Variants in ALDH7A1 observed in about 807,000 individuals in gnomAD.
The protein encoded by ALDH7A1 is alpha-aminoadipic semialdehyde dehydrogenase.
ALDH7A1 carries 63 observed loss-of-function variants against 79.9 expected under a neutral mutation model. The observed-to-expected ratio is 0.79, with a 90% confidence interval of 0.64 to 0.97. The LOEUF is 0.97. ALDH7A1 is among the 50% of genes least tolerant of loss of function. The pLI is 0.00. For missense variants in ALDH7A1, 627 were observed against 665.2 expected, an observed-to-expected ratio of 0.94 and a Z score of 0.63; for synonymous variants, 240 against 231.2, an observed-to-expected ratio of 1.04 and a Z score of -0.34.
intron 13 of ALDH7A1, 131 bp downstream of exon 13, chr5:126,554,144 TTTTATAATAATA>T (rs1489905192): frequency 1.1e-5 from 7 of 642,538 alleles, no homozygotes; most frequent in Non-Finnish European, 1.9e-5. Context: ...TGTTTCCTTG[TTTTATAATAATA>T]TATATAAATA....
At chr5:126,572,355 AGG>A (rs1185129135) in intron 7 of ALDH7A1, among the ~76,000 whole-genome samples, 1 of 152,174 alleles carries the variant, frequency 6.6e-6, no homozygotes, top group African/African-American at 2.4e-5. Flanking sequence ...AATTCTTCCC[AGG>A]GACTCCGGGT....
intron 7 of ALDH7A1, among the ~76,000 whole-genome samples, chr5:126,571,817 G>C (rs1163473688): frequency 6.6e-6 from 1 of 152,040 alleles, no homozygotes; most frequent in Non-Finnish European, 1.5e-5. Context: ...TTGGGGAAGG[G>C]GAAGGGATCC....
chr5:126,584,015 A>G lies in ALDH7A1; in HGVS notation c.313-3T>C. On this transcript the variant is annotated splice_polypyrimidine_tract_variant and splice_region_variant and intron_variant, in intron 3 of 17. Coordinates refer to ENST00000409134, the MANE Select transcript of ALDH7A1 (RefSeq NM_001182.5). Reference sequence around the variant, plus strand: ...TCTCCTCGTTTTGGAGCAGGAATCTAAGAAAAGAATGCAATTTTTGTGTCT... The same window carrying G: ...TCTCCTCGTTTTGGAGCAGGAATCTGAGAAAAGAATGCAATTTTTGTGTCT... The G allele has an allele frequency of 6.2e-7, 1 of 1,613,662 alleles. No homozygotes were observed. The highest frequency in any genetic ancestry group is 2.2e-5 in the East Asian group (1 of 44,876).
rs190879943 is a variant in ALDH7A1 at position 126,585,619 on chromosome 5, T to G, written c.313-1607A>C. ...CTGTCACGCCCAGGCTTGAGTGCAG[T>G]GGCGCGATCTCGGCTCAGTGCAACC... is the stretch of plus-strand genomic sequence containing the variant. On this transcript the variant is annotated intron_variant, in intron 3 of 17. Transcript: ENST00000409134. 2.3e-3 allele frequency among the ~76,000 whole-genome samples: 351 copies of G among 152,326 alleles called. 3 individuals carry two copies. Among genetic ancestry groups the G allele is most frequent in the Non-Finnish European group, 2.7e-3 (187 of 68,022 alleles).
chr5:126,581,153 T>G (rs1343073163), intron 5 of ALDH7A1: 2 of 152,014 alleles, frequency 1.3e-5, no homozygotes, highest in African/African-American at 4.8e-5. Context: ...TGCTGTCATC[T>G]TAGTATCTTC....
intron 5 of ALDH7A1, among the ~76,000 whole-genome samples, chr5:126,579,435 C>T (rs1315208286): frequency 6.6e-6 from 1 of 152,156 alleles, no homozygotes; most frequent in Admixed American, 6.6e-5. Context: ...ATATTACTTA[C>T]CATGCTGGAT....
chr5:126,551,511 C>T (rs772349541), intron 14 of ALDH7A1, among the ~76,000 whole-genome samples: 29 of 152,050 alleles, frequency 1.9e-4, no homozygotes, highest in Admixed American at 1.2e-3. Context: ...TTAGTAGAGA[C>T]GGGGTTTCAC....
chr5:126,553,863 C>T (rs764596942), intron 13 of ALDH7A1, among the ~76,000 whole-genome samples: 7 of 151,754 alleles, frequency 4.6e-5, no homozygotes, highest in Non-Finnish European at 7.4e-5. Flanking sequence ...ATCCCAACAC[C>T]TTAGGAGGCC....
At chr5:126,553,545 C>T (rs1232617904) in intron 13 of ALDH7A1, 1 of 152,370 alleles carries the variant, frequency 6.6e-6, no homozygotes, top group Non-Finnish European at 1.5e-5. Flanking sequence ...AACCCCTTCT[C>T]TACTAAAAAT....
intron 8 of ALDH7A1, 143 bp from the exon 9 acceptor site, chr5:126,568,499 G>A (rs1256206484): frequency 4.0e-6 from 3 of 750,138 alleles, no homozygotes; most frequent in Admixed American, 2.1e-5. Flanking sequence ...GCAAGGGAAG[G>A]TCTTCATGAG....
In ALDH7A1 at chr5:126,582,776, G is replaced by A. The variant is rs1008726484; in HGVS notation, c.517+75C>T. 7 of 1,559,776 alleles carry A rather than the reference G, an allele frequency of 4.5e-6. No individual in the cohort carries two copies. The South Asian group carries it at 6.7e-5, about 15-fold the overall frequency. ...AAATTTCTCTTTTGCACAGTCAATA[G>A]CCAGAGTATTTTATTTTTTTTGGAG... On this transcript the variant is annotated intron_variant, in intron 5 of 17. Transcript: ENST00000409134.
intron 16 of ALDH7A1, among the ~76,000 whole-genome samples, chr5:126,546,668 C>T (rs1749796902): frequency 7.6e-6 from 1 of 131,504 alleles, no homozygotes; most frequent in Admixed American, 7.2e-5. Context: ...AAAAAAAAAT[C>T]CCATTAGCTG....
chr5:126,568,081 T>G, intron 9 of ALDH7A1, 178 bp downstream of exon 9: 3 of 614,876 alleles, frequency 4.9e-6, no homozygotes, highest in Non-Finnish European at 8.5e-6. Context: ...TATTTAAATT[T>G]AGGACTTCCC....
rs1751303871 is a variant in ALDH7A1, at chr5:126,584,731, GAGT to G, written c.313-722_313-720del. Among the ~76,000 whole-genome samples the G allele has an allele frequency of 2.1e-5, 3 of 143,450 alleles. No individual in the cohort carries two copies. In the South Asian group the frequency reaches 6.9e-4, roughly 33 times the overall value. The allele number at this position is 143,450 out of a possible 152,430, so 94.1% of individuals were successfully genotyped here. A position where few individuals can be genotyped will look rare whatever the true frequency, so the allele number is the denominator to read the frequency against. On this transcript the variant is annotated intron_variant, in intron 3 of 17. Transcript: ENST00000409134. ...CAAGTGGATTCACGGTCTGTTTTGG[GAGT>G]AGAATTGACAGGACACACAGATGCA...
chr5:126,589,872 G>T (rs1751487484), intron 3 of ALDH7A1, among the ~76,000 whole-genome samples: 1 of 149,302 alleles, frequency 6.7e-6, no homozygotes, highest in Admixed American at 6.7e-5. Flanking sequence ...AAGCGCCTCT[G>T]CCCAGCTGCC....
Position 126,542,895 on chromosome 5 carries a change from C to G in ALDH7A1, c.*2070G>C, listed in dbSNP as rs1040436364. 6.6e-6 allele frequency: 1 copy of G among 152,198 alleles called. No homozygotes were observed. Among genetic ancestry groups the G allele is most frequent in the African/African-American group, 2.4e-5 (1 of 41,446 alleles). The allele number at this position is 152,198 out of a possible 1,614,324, so 9.4% of individuals were successfully genotyped here. On this transcript the variant is annotated 3_prime_UTR_variant, in exon 18 of 18. Transcript: ENST00000409134. ...GAGTCACAAGAGCCTGGCTGCTAGG[C>G]TCAGCGAATGGATGCTCTCTCCAAG...
intron 16 of ALDH7A1, among the ~76,000 whole-genome samples, chr5:126,549,073 C>CAAAA (rs58433570): frequency 2.9e-5 from 2 of 69,860 alleles, no homozygotes; most frequent in African/African-American, 6.5e-5. Flanking sequence ...GCCCCCAGCT[C>CAAAA]AAAAAAAAAA....
At chr5:126,567,891 C>T (rs1244163706) in intron 9 of ALDH7A1, 1 of 300,716 alleles carries the variant, frequency 3.3e-6, no homozygotes, top group African/African-American at 2.2e-5. Context: ...TCAGACCATT[C>T]TCTTGCCTCA....
chr5:126,572,793 C>A (rs1314538937), intron 7 of ALDH7A1, among the ~76,000 whole-genome samples: 27 of 152,130 alleles, frequency 1.8e-4, no homozygotes, highest in Admixed American at 1.8e-3. Flanking sequence ...CTTTCTTGTA[C>A]CTGTATGATT....
Sources: allele counts gnomAD v4.1 joint callset (sites outside exome capture counted in the v4.1 genomes callset), GRCh38; gene constraint gnomAD v4.1.1; transcripts MANE v1.5; gene names NCBI Gene and HGNC (gene_info 2026-07-23, HGNC 2026-07-21).